UGGT2: variants seen among roughly 807,000 people sequenced by gnomAD.
UGGT2 encodes the protein UDP-glucose:glycoprotein glucosyltransferase 2.
A neutral mutation model predicts 192.1 loss-of-function variants in UGGT2; 180 were observed. That is an observed-to-expected ratio of 0.94 (90% CI 0.83 to 1.06). The LOEUF is 1.06. Among genes scored for constraint, UGGT2 ranks in the 50% least tolerant of loss-of-function variants. The probability of loss-of-function intolerance (pLI) is 0.00; values close to 1 mark genes in which losing one functional copy is unlikely to be tolerated. For synonymous variants in UGGT2, 580 were observed against 591.0 expected (o/e 0.98, Z 0.27); for missense variants, 1,849 against 1,795.7 (o/e 1.03, Z -0.54).
rs369411926 is a variant in UGGT2, at chr13:96,033,537, C to T, written c.159-1566G>A. Among the ~76,000 whole-genome samples, 712 of 152,250 alleles carry T rather than the reference C, an allele frequency of 4.7e-3. 5 individuals carry two copies. Among genetic ancestry groups the T allele is most frequent in the African/African-American group, 0.017 (687 of 41,558 alleles). On this transcript the variant is annotated intron_variant, in intron 1 of 38. Transcript: ENST00000376747. ...CACTCCCTGGGTGCAGCTGCAACCA[C>T]CCAGCTGCAGCTGTGGACCAACGCA...
intron 8 of UGGT2, among the ~76,000 whole-genome samples, chr13:95,988,526 G>A (rs1468936883): frequency 6.6e-6 from 1 of 152,062 alleles, no homozygotes; most frequent in Non-Finnish European, 1.5e-5. Context: ...TACACCAGAA[G>A]GGTCCAGGGA....
Position 95,834,974 on chromosome 13 carries a change from G to A in UGGT2, c.4402-1921C>T, listed in dbSNP as rs148464854. 9.3e-3 allele frequency among the ~76,000 whole-genome samples: 1,413 copies of A among 152,186 alleles called. 27 individuals carry two copies. Among genetic ancestry groups the A allele is most frequent in the African/African-American group, 0.033 (1,353 of 41,500 alleles). On this transcript the variant is annotated intron_variant, in intron 37 of 38. Transcript: ENST00000376747. ...TTTTCTAGTAGCCATGTATAAAAAT[G>A]TAAGAGGAATAGGTGAAATAAATTT...
In UGGT2 at chr13:95,927,335, C is replaced by A; in HGVS notation, c.1979G>T (p.Gly660Val). ...SVYLQREVFL[G>V]TLNDRTNAID... ...TGCATTCGTGCGATCATTTAATGTGCCCTAAAAAAACAAAAATGTTATTTA... is the reference window on the plus strand; with the variant it reads ...TGCATTCGTGCGATCATTTAATGTGACCTAAAAAAACAAAAATGTTATTTA... Residue 660 changes from glycine to valine, a missense_variant and splice_region_variant, in exon 18 of 39, where the codon GGC becomes GTC. Coordinates refer to ENST00000376747, the MANE Select transcript of UGGT2 (RefSeq NM_020121.4). 1 of 1,593,928 alleles carries A rather than the reference C, an allele frequency of 6.3e-7. No individual in the cohort carries two copies. The highest frequency in any genetic ancestry group is 1.8e-5 in the Admixed American group (1 of 54,854).
chr13:95,877,652 T>C (rs1156912628), intron 28 of UGGT2, 46 bp downstream of exon 28: 2 of 1,564,496 alleles, frequency 1.3e-6, no homozygotes, highest in Non-Finnish European at 1.7e-6. Context: ...AAACAGAGAA[T>C]TCACCAAAAC....
At chr13:95,883,393 T>C (rs1218848978) in intron 27 of UGGT2, among the ~76,000 whole-genome samples, 1 of 151,962 alleles carries the variant, frequency 6.6e-6, no homozygotes, top group Non-Finnish European at 1.5e-5. Flanking sequence ...GTAAGGACAA[T>C]AAGGAGAAGG....
At chr13:96,036,159 C>A (rs768902705) in intron 1 of UGGT2, among the ~76,000 whole-genome samples, 3 of 152,114 alleles carry the variant, frequency 2.0e-5, no homozygotes, top group Non-Finnish European at 4.4e-5. Flanking sequence ...AACTTATATC[C>A]CCATCAATGA....
chr13:96,020,341 G>A (rs2052478114), intron 4 of UGGT2, among the ~76,000 whole-genome samples: 1 of 152,088 alleles, frequency 6.6e-6, no homozygotes, highest in Admixed American at 6.6e-5. Context: ...CAGTCTCTCG[G>A]GGTAGTCCAG....
rs2048448644 is a variant in UGGT2 at position 95,910,331 on chromosome 13, G to A, written c.2296-7271C>T. Among the ~76,000 whole-genome samples the A allele has an allele frequency of 2.0e-5, 3 of 152,304 alleles. No homozygotes were observed. The South Asian group carries it at 6.2e-4, about 32-fold the overall frequency. The stretch of plus-strand genomic sequence containing the variant: ...AAGAGTCAAGACCCATCAGTGTGCT[G>A]TCTTCAGGAGACCCATCTCATGTGC... On this transcript the variant is annotated intron_variant, in intron 20 of 38. Transcript: ENST00000376747.
In UGGT2 at chr13:96,046,700, G is replaced by A. The variant is rs568012184; in HGVS notation, c.158+6455C>T. On this transcript the variant is annotated intron_variant, in intron 1 of 38. Coordinates refer to ENST00000376747, the MANE Select transcript of UGGT2 (RefSeq NM_020121.4). ...CCTCACCCGGAAAGTGCAAGAGGTC[G>A]GGGAATTCCCTTTCCTAGCCAAGGG... is the stretch of plus-strand genomic sequence containing the variant. Among the ~76,000 whole-genome samples the A allele has an allele frequency of 3.8e-4, 58 of 152,304 alleles. No homozygotes were observed. In the South Asian group the frequency reaches 4.1e-3, roughly 11 times the overall value.
chr13:95,803,887 G>T (rs1884181595), intron 38 of UGGT2, among the ~76,000 whole-genome samples: 2 of 151,894 alleles, frequency 1.3e-5, no homozygotes, highest in South Asian at 4.2e-4. Flanking sequence ...GGGCCAAGAT[G>T]AATACATAAG....
At chr13:96,015,868 T>C (rs2052321466) in intron 4 of UGGT2, among the ~76,000 whole-genome samples, 1 of 152,192 alleles carries the variant, frequency 6.6e-6, no homozygotes. Context: ...AGGAGTGGAA[T>C]AATGAAACTT....
chr13:95,970,831 T>G (rs922306357), intron 11 of UGGT2, among the ~76,000 whole-genome samples: 2 of 152,198 alleles, frequency 1.3e-5, no homozygotes, highest in African/African-American at 4.8e-5. Context: ...CTACTCTTCA[T>G]CAAGTCTGTG....
intron 36 of UGGT2, among the ~76,000 whole-genome samples, chr13:95,846,156 A>T (rs1418160155): frequency 1.3e-5 from 2 of 152,050 alleles, no homozygotes; most frequent in African/African-American, 4.8e-5. Context: ...AGTGAACGAG[A>T]CTCCGTGTGC....
intron 7 of UGGT2, among the ~76,000 whole-genome samples, chr13:95,991,769 T>A (rs2051465602): frequency 6.6e-6 from 1 of 152,188 alleles, no homozygotes; most frequent in Non-Finnish European, 1.5e-5. Context: ...CTTAATAACT[T>A]TCACTGCTAA....
chr13:95,877,244 T>C (rs755526286), intron 29 of UGGT2, 35 bp downstream of exon 29: 2 of 1,465,674 alleles, frequency 1.4e-6, no homozygotes, highest in African/African-American at 1.4e-5. Flanking sequence ...AACGTATTTA[T>C]GTGTAAAAAT....
intron 38 of UGGT2, among the ~76,000 whole-genome samples, chr13:95,822,095 T>C (rs1885569007): frequency 6.6e-6 from 1 of 152,138 alleles, no homozygotes; most frequent in African/African-American, 2.4e-5. Context: ...CCTAGTTCTG[T>C]GAAAAATGAT....
At position 96,053,358 on chromosome 13, in the gene UGGT2, T is replaced by C. The variant is rs2053545973; in HGVS notation, c.-46A>G. 2.6e-6 allele frequency: 4 copies of C among 1,553,610 alleles called. No homozygotes were observed. The highest frequency in any genetic ancestry group is 3.4e-6 in the Non-Finnish European group (4 of 1,161,186). On this transcript the variant is annotated 5_prime_UTR_variant, in exon 1 of 39. Coordinates refer to ENST00000376747, the MANE Select transcript of UGGT2 (RefSeq NM_020121.4). The stretch of plus-strand genomic sequence containing the variant: ...AGTCCCTCGGACCCGGTACCCACAG[T>C]CTGTGGCCGCCACGCTTCGGCCGGC...
At chr13:95,812,948 G>A (rs551709357) in intron 38 of UGGT2, among the ~76,000 whole-genome samples, 7 of 152,100 alleles carry the variant, frequency 4.6e-5, no homozygotes, top group African/African-American at 9.7e-5. Flanking sequence ...CATTTTGATC[G>A]GTGAATTGTA....
chr13:96,030,018 T>C (rs998895814), intron 2 of UGGT2, among the ~76,000 whole-genome samples: 1 of 152,184 alleles, frequency 6.6e-6, no homozygotes, highest in African/African-American at 2.4e-5. Flanking sequence ...ACCAAAACTA[T>C]TAATAAAATT....
Sources: allele counts gnomAD v4.1 joint callset (sites outside exome capture counted in the v4.1 genomes callset), GRCh38; gene constraint gnomAD v4.1.1; transcripts MANE v1.5; gene names NCBI Gene and HGNC (gene_info 2026-07-23, HGNC 2026-07-21).